Variants in SENP7 observed in about 807,000 individuals in gnomAD.
SENP7 encodes sentrin-specific protease 7.
A neutral mutation model predicts 141.2 loss-of-function variants in SENP7; 64 were observed. The observed-to-expected ratio is 0.45, with a 90% CI of 0.37 to 0.56. SENP7 has a LOEUF of 0.56. Among genes scored for constraint, SENP7 ranks in the 20% least tolerant of loss-of-function variants. The pLI is 0.00. For missense variants in SENP7, 1,025 were observed against 1,212.2 expected (o/e 0.85, Z 2.29); for synonymous variants, 382 against 426.4 (o/e 0.90, Z 1.28).
intron 3 of SENP7, among the ~76,000 whole-genome samples, chr3:101,475,962 G>C (rs560533082): frequency 6.6e-6 from 1 of 152,108 alleles, no homozygotes; most frequent in East Asian, 1.9e-4. Flanking sequence ...AAAAAAAATT[G>C]AACATTTCTG....
At position 101,354,316 on chromosome 3, in the gene SENP7, A is replaced by T. The variant is rs115860658; in HGVS notation, c.1624-2665T>A. ...ACATGTACAGGTCTGCTATACATGT[A>T]AACCTGTGTCACAGGGGTTTGTTGT... is the stretch of plus-strand genomic sequence containing the variant. On this transcript the variant is annotated intron_variant, in intron 11 of 23. Coordinates refer to ENST00000394095, the MANE Select transcript of SENP7 (RefSeq NM_020654.5). Among the ~76,000 whole-genome samples the T allele has an allele frequency of 9.4e-3, 1,438 of 152,240 alleles. 28 individuals are homozygous for T. The highest frequency in any genetic ancestry group is 0.033 in the African/African-American group (1,353 of 41,562).
chr3:101,453,869 A>T (rs1420751408), intron 4 of SENP7, among the ~76,000 whole-genome samples: 3 of 152,006 alleles, frequency 2.0e-5, no homozygotes, highest in Admixed American at 6.6e-5. Context: ...AGTATAATTT[A>T]AAAAATTAAA....
At chr3:101,400,467 G>A (rs964291514) in intron 5 of SENP7, among the ~76,000 whole-genome samples, 5 of 150,734 alleles carry the variant, frequency 3.3e-5, no homozygotes, top group African/African-American at 1.2e-4. Flanking sequence ...GTGTGTCTGT[G>A]TCACATTTCG....
chr3:101,461,260 G>T (rs9829444), intron 3 of SENP7, among the ~76,000 whole-genome samples: 28 of 151,766 alleles, frequency 1.8e-4, no homozygotes, highest in African/African-American at 6.0e-4. Context: ...AACAAAAAAA[G>T]AAAAATGAAA....
chr3:101,324,285 G>T lies in SENP7; in HGVS notation c.*1658C>A, dbSNP rs918949247. On this transcript the variant is annotated 3_prime_UTR_variant, in exon 24 of 24. Transcript: ENST00000394095. ...AATTACACCTCAATTTAATGAATTG[G>T]AAATATGTTTAATATAAAACACTGA... 5 of 151,960 alleles carry T rather than the reference G, an allele frequency of 3.3e-5. No individual in the cohort carries two copies. Among genetic ancestry groups the T allele is most frequent in the African/African-American group, 1.2e-4 (5 of 41,398 alleles). 9.4% of individuals were successfully genotyped at this position (151,960 alleles called of 1,614,324 possible). A position where few individuals can be genotyped will look rare whatever the true frequency, so the allele number is the denominator to read the frequency against.
At chr3:101,370,655 G>A (rs755371384) in intron 7 of SENP7, among the ~76,000 whole-genome samples, 37 of 152,076 alleles carry the variant, frequency 2.4e-4, no homozygotes, top group African/African-American at 8.2e-4. Flanking sequence ...ATCTACAGAT[G>A]CAGAACACAA....
At chr3:101,418,969 G>C (rs1241725135) in intron 4 of SENP7, among the ~76,000 whole-genome samples, 2 of 152,090 alleles carry the variant, frequency 1.3e-5, no homozygotes, top group Non-Finnish European at 2.9e-5. Flanking sequence ...CAAAATAGTT[G>C]AGTTTTTGCC....
At chr3:101,367,241 T>G (rs1490350428) in intron 8 of SENP7, among the ~76,000 whole-genome samples, 3 of 152,156 alleles carry the variant, frequency 2.0e-5, no homozygotes, top group Non-Finnish European at 4.4e-5. Flanking sequence ...ATGTTTATAA[T>G]TACAACCCAA....
Position 101,325,892 on chromosome 3 carries a change from A to G in SENP7, c.*51T>C. On this transcript the variant is annotated 3_prime_UTR_variant, in exon 24 of 24. Coordinates refer to ENST00000394095, the MANE Select transcript of SENP7 (RefSeq NM_020654.5). ...GCTGGCTAACACAAATGCTGGTAAG[A>G]GGCTTTCCAGTAATCTTAGAGAACA... 2 of 1,503,134 alleles carry G rather than the reference A, an allele frequency of 1.3e-6. No homozygotes were observed. The highest frequency in any genetic ancestry group is 1.8e-6 in the Non-Finnish European group (2 of 1,122,352). 93.1% of individuals were successfully genotyped at this position (1,503,134 alleles called of 1,614,324 possible). A position where few individuals can be genotyped will look rare whatever the true frequency, so the allele number is the denominator to read the frequency against.
intron 11 of SENP7, chr3:101,357,968 C>A: frequency 1.5e-6 from 1 of 648,484 alleles, no homozygotes; most frequent in East Asian, 4.9e-5. Context: ...CCACCCCTCA[C>A]CCCTTTTTTC....
chr3:101,411,062 A>C (rs1029658139), intron 5 of SENP7, among the ~76,000 whole-genome samples: 1 of 152,044 alleles, frequency 6.6e-6, no homozygotes, highest in African/African-American at 2.4e-5. Context: ...CCTTATAACT[A>C]TAAATCCTTG....
intron 5 of SENP7, among the ~76,000 whole-genome samples, chr3:101,403,085 T>C (rs2061197321): frequency 6.6e-6 from 1 of 152,140 alleles, no homozygotes; most frequent in African/African-American, 2.4e-5. Flanking sequence ...TACAGTGAAG[T>C]TCACATTTTC....
chr3:101,353,353 A>C (rs1205402004), intron 11 of SENP7, among the ~76,000 whole-genome samples: 5 of 151,864 alleles, frequency 3.3e-5, no homozygotes, highest in African/African-American at 1.2e-4. Context: ...CCCACCCACT[A>C]CTTACTACAC....
chr3:101,336,722 T>C (rs774304221), intron 17 of SENP7, among the ~76,000 whole-genome samples: 3 of 152,162 alleles, frequency 2.0e-5, no homozygotes, highest in Non-Finnish European at 4.4e-5. Context: ...TTGTTAAGTA[T>C]GGGGAAAGGG....
At chr3:101,384,398 G>T (rs1175188014) in intron 6 of SENP7, among the ~76,000 whole-genome samples, 1 of 152,246 alleles carries the variant, frequency 6.6e-6, no homozygotes, top group Non-Finnish European at 1.5e-5. Flanking sequence ...GCCCTTAAGG[G>T]AGCCCACCTA....
chr3:101,421,382 A>T (rs2107672512), intron 4 of SENP7, among the ~76,000 whole-genome samples: 1 of 152,310 alleles, frequency 6.6e-6, no homozygotes, highest in Admixed American at 6.5e-5. Context: ...CCAAATAAAA[A>T]TGCAAACAAA....
At chr3:101,424,288 A>C in intron 4 of SENP7, among the ~76,000 whole-genome samples, 1 of 151,790 alleles carries the variant, frequency 6.6e-6, no homozygotes. Flanking sequence ...CACACACCGC[A>C]GCTTCCCCTT....
chr3:101,465,054 A>T (rs1225972381), intron 3 of SENP7, among the ~76,000 whole-genome samples: 2 of 152,140 alleles, frequency 1.3e-5, no homozygotes, highest in Non-Finnish European at 2.9e-5. Flanking sequence ...ATCAATCCAC[A>T]TTCCTCAATG....
intron 2 of SENP7, among the ~76,000 whole-genome samples, chr3:101,499,790 C>T (rs1422064789): frequency 5.3e-5 from 8 of 152,142 alleles, no homozygotes; most frequent in Non-Finnish European, 4.4e-5. Context: ...CCACCTCAGC[C>T]TCCCAAAGTG....
Sources: gnomAD v4.1 joint callset for allele counts (sites outside exome capture counted in the v4.1 genomes callset) on GRCh38, gnomAD v4.1.1 for gene constraint, MANE v1.5 for transcripts, NCBI Gene and HGNC (gene_info 2026-07-23, HGNC 2026-07-21) for gene names.